KATNB1: variants seen among roughly 807,000 people sequenced by gnomAD.
KATNB1 encodes the protein katanin p80 WD40 repeat-containing subunit B1.
KATNB1 carries 38 observed loss-of-function variants against 82.3 expected under a neutral mutation model. The observed-to-expected ratio is 0.46, with a 90% CI of 0.36 to 0.61. The LOEUF (loss-of-function observed/expected upper bound fraction) is 0.61, where lower values mean the gene tolerates loss of function less well. Among genes scored for constraint, KATNB1 ranks in the 20% least tolerant of loss-of-function variants. The probability of loss-of-function intolerance (pLI) is 0.00; values close to 1 mark genes in which losing one functional copy is unlikely to be tolerated. For synonymous variants in KATNB1, 361 were observed against 368.7 expected, an observed-to-expected ratio of 0.98 and a Z score of 0.24; for missense variants, 749 against 915.7, an observed-to-expected ratio of 0.82 and a Z score of 2.35.
In KATNB1 at chr16:57,755,853, T is replaced by A; in HGVS notation, c.1579T>A (p.Ser527Thr). Residue 527 changes from serine to threonine, a missense_variant, in exon 17 of 20, where the codon TCC becomes ACC. Physicochemically the swap from Ser to Thr is moderately conservative, Grantham distance 58. This residue lies in a region of KATNB1 where 407 missense variants were observed against 434.7 expected (regional missense o/e 0.94). Coordinates refer to ENST00000379661, the MANE Select transcript of KATNB1 (RefSeq NM_005886.3). The part of the protein sequence containing the change: ...TMGDIKTSVD[S>T]AVAINDLSVV... ...TCTGTTTGCACAGACGTCGGTGGACTCCGCTGTGGCCATCAACGACCTGTC... is the reference window on the plus strand; with the variant it reads ...TCTGTTTGCACAGACGTCGGTGGACACCGCTGTGGCCATCAACGACCTGTC... 6.3e-7 allele frequency: 1 copy of A among 1,590,204 alleles called. No individual in the cohort carries two copies. Among genetic ancestry groups the A allele is most frequent in the Admixed American group, 1.7e-5 (1 of 59,316 alleles).
chr16:57,756,618 G>T, intron 19 of KATNB1, 146 bp downstream of exon 19: 1 of 1,178,636 alleles, frequency 8.5e-7, no homozygotes, highest in Non-Finnish European at 1.2e-6. Flanking sequence ...CAGGGTGTGG[G>T]TGGGCTTAGC....
rs534502689 is a variant in KATNB1 at position 57,742,302 on chromosome 16, G to C, written c.171+485G>C. On this transcript the variant is annotated intron_variant, in intron 3 of 19. Transcript: ENST00000379661. The stretch of plus-strand genomic sequence containing the variant: ...TGGTTAGGGAGCTAGTTCTTAAATA[G>C]CATCTCCCCACTATTTATGCAGCTA... Among the ~76,000 whole-genome samples, 4 of 152,350 alleles carry C rather than the reference G, an allele frequency of 2.6e-5. No homozygotes were observed. In the South Asian group the frequency reaches 8.3e-4, roughly 32 times the overall value.
chr16:57,736,738 C>G (rs1323441885), intron 1 of KATNB1: 1 of 303,824 alleles, frequency 3.3e-6, no homozygotes, highest in Non-Finnish European at 6.6e-6. Context: ...GCCAGCATCC[C>G]GGAACAGAGC....
At chr16:57,737,417 C>A (rs2049109351) in intron 2 of KATNB1, 134 bp downstream of exon 2, 1 of 968,672 alleles carries the variant, frequency 1.0e-6, no homozygotes. Context: ...TAAGATAGAC[C>A]ATTATGTAAA....
chr16:57,751,502 G>T lies in KATNB1; in HGVS notation c.433-139G>T. The T allele has an allele frequency of 1.0e-6, 1 of 966,576 alleles. No individual in the cohort carries two copies. Among genetic ancestry groups the T allele is most frequent in the East Asian group, 2.5e-5 (1 of 40,630 alleles). The allele number at this position is 966,576 out of a possible 1,614,324, so 59.9% of individuals were successfully genotyped here. The stretch of plus-strand genomic sequence containing the variant: ...CTCTGCATGAATCCCCTAGAGCCAC[G>T]TTCATCAAACTGCTCCAAGCAGAAC... On this transcript the variant is annotated intron_variant, in intron 6 of 19. Coordinates refer to ENST00000379661, the MANE Select transcript of KATNB1 (RefSeq NM_005886.3). This position sits in a 1 kb window ranked among gnomAD's most constrained non-coding sequence, Gnocchi z 6.3.
At chr16:57,745,992 A>T (rs2049181616) in intron 4 of KATNB1, among the ~76,000 whole-genome samples, 1 of 151,966 alleles carries the variant, frequency 6.6e-6, no homozygotes, top group Non-Finnish European at 1.5e-5. Flanking sequence ...TTCTCTGGGG[A>T]ATTCTCTCCA....
rs1339214553 is a variant in KATNB1 at position 57,737,051 on chromosome 16, T to C, written c.-193T>C. 1 of 711,488 alleles carries C rather than the reference T, an allele frequency of 1.4e-6. No individual in the cohort carries two copies. Among genetic ancestry groups the C allele is most frequent in the East Asian group, 2.7e-5 (1 of 37,272 alleles). The allele number at this position is 711,488 out of a possible 1,614,324, so 44.1% of individuals were successfully genotyped here. On this transcript the variant is annotated 5_prime_UTR_variant, in exon 2 of 20. Transcript: ENST00000379661. Reference sequence around the variant, plus strand: ...ATCGTGACAGATGTGCACAGGCTGCTGCTGTTGCTGCTGTGGGTAATTTGG... The same window carrying C: ...ATCGTGACAGATGTGCACAGGCTGCCGCTGTTGCTGCTGTGGGTAATTTGG...
At position 57,748,304 on chromosome 16, in the gene KATNB1, T is replaced by C. The variant is rs570276549; in HGVS notation, c.290-2523T>C. 6.2e-4 allele frequency among the ~76,000 whole-genome samples: 94 copies of C among 151,698 alleles called. 1 individual carries two copies. Among genetic ancestry groups the C allele is most frequent in the Non-Finnish European group, 1.1e-3 (78 of 67,938 alleles). On this transcript the variant is annotated intron_variant, in intron 4 of 19. Transcript: ENST00000379661. ...CAGGTGACAGTGACAGACAGGCAAA[T>C]TGAGGCCCCAGGTGTGGAAAGGTTC...
At position 57,736,962 on chromosome 16, in the gene KATNB1, CTT is replaced by C. The variant is rs1239203369; in HGVS notation, c.-266-15_-266-14del. The C allele has an allele frequency of 1.5e-6, 1 of 675,424 alleles. No homozygotes were observed. The highest frequency in any genetic ancestry group is 2.8e-5 in the East Asian group (1 of 35,374). The allele number at this position is 675,424 out of a possible 1,614,324, so 41.8% of individuals were successfully genotyped here. On this transcript the variant is annotated splice_polypyrimidine_tract_variant and intron_variant, in intron 1 of 19. Coordinates refer to ENST00000379661, the MANE Select transcript of KATNB1 (RefSeq NM_005886.3). ...AGCATTTTCTAACATGACGTCACCT[CTT>C]GTTTGTATTGCAGCCCTGTATTGAG... is the stretch of plus-strand genomic sequence containing the variant.
At chr16:57,746,804 G>A (rs1316415105) in intron 4 of KATNB1, among the ~76,000 whole-genome samples, 3 of 152,248 alleles carry the variant, frequency 2.0e-5, no homozygotes, top group African/African-American at 7.2e-5. Flanking sequence ...AATGTTGACA[G>A]CTCATTCAAC....
At chr16:57,753,632 C>A in intron 12 of KATNB1, 113 bp downstream of exon 12, 1 of 1,371,092 alleles carries the variant, frequency 7.3e-7, no homozygotes, top group Non-Finnish European at 1.0e-6. Context: ...CCTCCTAACC[C>A]ACACCTGGGC....
rs1555585293 is a variant in KATNB1 at position 57,755,156 on chromosome 16, C to T, written c.1334C>T (p.Thr445Ile). ...CCCCGGCCCCCAGTGGTTGCTTCCA[C>T]ACCTGCACCCAAGGCTGAGCCTGCC... ...VLPRPPVVAS[T>I]PAPKAEPAII... Residue 445 changes from threonine to isoleucine, a missense_variant, in exon 15 of 20, where the codon ACA becomes ATA. By Grantham distance (89) the Thr-to-Ile change is moderately conservative. This residue lies in a region of KATNB1 where 407 missense variants were observed against 434.7 expected (regional missense o/e 0.94). Coordinates refer to ENST00000379661, the MANE Select transcript of KATNB1 (RefSeq NM_005886.3). The T allele has an allele frequency of 1.2e-6, 2 of 1,612,660 alleles. No individual in the cohort carries two copies. Among genetic ancestry groups the T allele is most frequent in the Non-Finnish European group, 8.5e-7 (1 of 1,179,894 alleles).
At chr16:57,742,166 C>G (rs1357894322) in intron 3 of KATNB1, among the ~76,000 whole-genome samples, 1 of 152,232 alleles carries the variant, frequency 6.6e-6, no homozygotes, top group Non-Finnish European at 1.5e-5. Context: ...ACTTGTACCC[C>G]TCCCCTCCCA....
intron 4 of KATNB1, among the ~76,000 whole-genome samples, chr16:57,748,804 C>T (rs146798492): frequency 2.6e-5 from 4 of 152,228 alleles, no homozygotes; most frequent in Middle Eastern, 3.2e-3. Flanking sequence ...GGAGGGCGGC[C>T]GGTGCTTCAT....
In KATNB1 at chr16:57,756,345, T is replaced by C; in HGVS notation, c.1719-11T>C. ...TGGTCCATCTGTGACTTCATCCATC[T>C]CCCCCTAAAGCTACGTCCAGACGGG... is the stretch of plus-strand genomic sequence containing the variant. On this transcript the variant is annotated splice_polypyrimidine_tract_variant and intron_variant, in intron 18 of 19. Coordinates refer to ENST00000379661, the MANE Select transcript of KATNB1 (RefSeq NM_005886.3). The C allele has an allele frequency of 6.2e-7, 1 of 1,607,976 alleles. No individual in the cohort carries two copies.
intron 3 of KATNB1, among the ~76,000 whole-genome samples, chr16:57,744,034 G>A (rs1448551278): frequency 3.9e-5 from 6 of 152,224 alleles, no homozygotes; most frequent in African/African-American, 1.4e-4. Flanking sequence ...GAACAGAGCG[G>A]GGGCAGGGTT....
At chr16:57,748,582 G>A (rs782077010) in intron 4 of KATNB1, among the ~76,000 whole-genome samples, 2 of 152,070 alleles carry the variant, frequency 1.3e-5, no homozygotes, top group African/African-American at 2.4e-5. Context: ...GCTGGGAGGC[G>A]TTGGGGGTTC....
At position 57,752,596 on chromosome 16, in the gene KATNB1, C is replaced by T. The variant is rs34508238; in HGVS notation, c.699C>T (p.Pro233=). The change falls in exon 9 of 20, where the codon CCC becomes CCT. Residue 233 remains proline, a synonymous_variant. Transcript: ENST00000379661. ...VVSCIEGEPG[P]VRSVLFNPDG... is the part of the protein sequence containing the mutation. ...GCTGCATCGAAGGGGAGCCTGGGCC[C>T]GTCAGGTACGCAGGCTGTGGGGTGG... 1.2e-4 allele frequency: 191 copies of T among 1,565,796 alleles called. No individual in the cohort carries two copies. Among genetic ancestry groups the T allele is most frequent in the Middle Eastern group, 1.0e-3 (6 of 6,002 alleles).
chr16:57,736,298 A>G (rs982653799), intron 1 of KATNB1, among the ~76,000 whole-genome samples: 6 of 152,042 alleles, frequency 3.9e-5, no homozygotes, highest in African/African-American at 7.2e-5. Flanking sequence ...ACGGAGGACT[A>G]GAGAGGCAGA....
Sources: gnomAD v4.1 joint callset for allele counts (sites outside exome capture counted in the v4.1 genomes callset) on GRCh38, gnomAD v4.1.1 for gene constraint, gnomAD v4.1.1 regional missense constraint, Gnocchi (gnomAD v3.1) non-coding constraint, MANE v1.5 for transcripts, NCBI Gene and HGNC (gene_info 2026-07-23, HGNC 2026-07-21) for gene names.